Variants in PDE3A observed in about 807,000 individuals in gnomAD.
PDE3A encodes the protein cGMP-inhibited 3',5'-cyclic phosphodiesterase 3A.
A neutral mutation model predicts 98.3 loss-of-function variants in PDE3A; 43 were observed. The ratio of observed to expected loss-of-function variants is 0.44; its 90% CI spans 0.34 to 0.56. The LOEUF (loss-of-function observed/expected upper bound fraction) is 0.56, where lower values mean the gene tolerates loss of function less well. Among genes scored for constraint, PDE3A ranks in the 20% least tolerant of loss-of-function variants. The probability of loss-of-function intolerance (pLI) is 0.01; values close to 1 mark genes in which losing one functional copy is unlikely to be tolerated. For synonymous variants in PDE3A, 663 were observed against 567.9 expected (o/e 1.17, Z -2.38); for missense variants, 1,427 against 1,440.7 (o/e 0.99, Z 0.15).
chr12:20,557,547 G>T lies in PDE3A; in HGVS notation c.1011+837G>T, dbSNP rs575520359. Among the ~76,000 whole-genome samples the T allele has an allele frequency of 3.8e-3, 578 of 152,216 alleles. 7 individuals carry two copies. Among genetic ancestry groups the T allele is most frequent in the African/African-American group, 0.013 (555 of 41,532 alleles). On this transcript the variant is annotated intron_variant, in intron 2 of 15. Coordinates refer to ENST00000359062, the MANE Select transcript of PDE3A (RefSeq NM_000921.5). The stretch of plus-strand genomic sequence containing the variant: ...ACTAAAAAATATATAAATTACAAAG[G>T]GCAGTTGAATGTGCAATACTGTAAA...
chr12:20,532,842 C>A (rs985181304), intron 1 of PDE3A, among the ~76,000 whole-genome samples: 1 of 152,102 alleles, frequency 6.6e-6, no homozygotes, highest in Non-Finnish European at 1.5e-5. Context: ...GCGCCCGCCA[C>A]TACGCCCGGC....
At chr12:20,386,720 C>T (rs953497600) in intron 1 of PDE3A, among the ~76,000 whole-genome samples, 1 of 151,940 alleles carries the variant, frequency 6.6e-6, no homozygotes, top group Non-Finnish European at 1.5e-5. Flanking sequence ...AATTTTCTCC[C>T]ATTCTATAGG....
At chr12:20,595,905 T>G (rs1009589541) in intron 2 of PDE3A, among the ~76,000 whole-genome samples, 1 of 152,192 alleles carries the variant, frequency 6.6e-6, no homozygotes, top group African/African-American at 2.4e-5. Context: ...AAATTAAAAT[T>G]GACTGAAATG....
chr12:20,542,364 C>A (rs1941936335), intron 1 of PDE3A, among the ~76,000 whole-genome samples: 1 of 151,620 alleles, frequency 6.6e-6, no homozygotes. Flanking sequence ...ATTTTAAAGA[C>A]CATTTCTAAA....
At chr12:20,462,747 A>C (rs1945273251) in intron 1 of PDE3A, among the ~76,000 whole-genome samples, 1 of 152,096 alleles carries the variant, frequency 6.6e-6, no homozygotes, top group Non-Finnish European at 1.5e-5. Flanking sequence ...TCATTTGTTA[A>C]AAACGTCTTG....
chr12:20,423,418 C>T (rs1944553191), intron 1 of PDE3A, among the ~76,000 whole-genome samples: 1 of 152,086 alleles, frequency 6.6e-6, no homozygotes, highest in African/African-American at 2.4e-5. Flanking sequence ...ACTTTAAATT[C>T]TGAAATGTTT....
In PDE3A at chr12:20,471,130, A is replaced by C. The variant is rs375758612; in HGVS notation, c.961-85530A>C. ...TTTTGTTATTACAGCTTGAGCTGACATGCCCATTCCCAGGTTTTACCCTGG... is the reference window on the plus strand; with the variant it reads ...TTTTGTTATTACAGCTTGAGCTGACCTGCCCATTCCCAGGTTTTACCCTGG... On this transcript the variant is annotated intron_variant, in intron 1 of 15. Transcript: ENST00000359062. Among the ~76,000 whole-genome samples the C allele has an allele frequency of 7.4e-5, 11 of 149,532 alleles. 1 individual carries two copies. The highest frequency in any genetic ancestry group is 1.6e-4 in the Non-Finnish European group (11 of 68,006).
At chr12:20,487,395 G>A (rs578098486) in intron 1 of PDE3A, among the ~76,000 whole-genome samples, 136 of 149,346 alleles carry the variant, frequency 9.1e-4, no homozygotes, top group Non-Finnish European at 8.1e-4. Context: ...TGGACACGGT[G>A]GCTCATGCCT....
intron 5 of PDE3A, 99 bp downstream of exon 5, chr12:20,621,510 C>A (rs902268125): frequency 4.5e-6 from 3 of 670,024 alleles, no homozygotes; most frequent in Non-Finnish European, 8.0e-6. Context: ...GCCCTATATT[C>A]AGATATGTTT....
intron 1 of PDE3A, among the ~76,000 whole-genome samples, chr12:20,409,125 C>A (rs372689572): frequency 6.6e-6 from 1 of 152,140 alleles, no homozygotes; most frequent in African/African-American, 2.4e-5. Context: ...ATCATCTCCT[C>A]ATTTCCTCCT....
chr12:20,551,628 C>T lies in PDE3A; in HGVS notation c.961-5032C>T, dbSNP rs190595854. On this transcript the variant is annotated intron_variant, in intron 1 of 15. Transcript: ENST00000359062. The stretch of plus-strand genomic sequence containing the variant: ...AGGACCCCGACAAGCAGCTCATGTG[C>T]GATGAGTGCGACATGGCCTTCCACA... 1.5e-3 allele frequency: 2,382 copies of T among 1,578,440 alleles called. 18 individuals carry two copies. In the African/African-American group the frequency reaches 0.026, roughly 18 times the overall value.
At chr12:20,407,921 A>G (rs900478890) in intron 1 of PDE3A, among the ~76,000 whole-genome samples, 1 of 151,630 alleles carries the variant, frequency 6.6e-6, no homozygotes, top group Non-Finnish European at 1.5e-5. Context: ...TTCTATTTTT[A>G]TTTATTTATT....
intron 1 of PDE3A, among the ~76,000 whole-genome samples, chr12:20,520,711 TG>T (rs1391347036): frequency 1.3e-5 from 2 of 152,204 alleles, no homozygotes; most frequent in Non-Finnish European, 2.9e-5. Flanking sequence ...TGCCGCTTCT[TG>T]GCTTTGTATG....
chr12:20,386,869 T>C (rs1297635759), intron 1 of PDE3A, among the ~76,000 whole-genome samples: 1 of 152,148 alleles, frequency 6.6e-6, no homozygotes, highest in Non-Finnish European at 1.5e-5. Context: ...CTAAATGATA[T>C]TGTCCAGATT....
chr12:20,413,459 A>ATG (rs1944368647), intron 1 of PDE3A, among the ~76,000 whole-genome samples: 2 of 151,482 alleles, frequency 1.3e-5, no homozygotes, highest in African/African-American at 4.8e-5. Context: ...CTGGCCCAGC[A>ATG]AGAAACAGAA....
At chr12:20,435,681 A>G (rs960550598) in intron 1 of PDE3A, among the ~76,000 whole-genome samples, 2 of 152,192 alleles carry the variant, frequency 1.3e-5, no homozygotes, top group Admixed American at 1.3e-4. Context: ...CTACTTTTCT[A>G]AAATGGTAAT....
Position 20,552,589 on chromosome 12 carries a change from G to A in PDE3A, c.961-4071G>A. On this transcript the variant is annotated intron_variant, in intron 1 of 15. Transcript: ENST00000359062. The surrounding 1 kb of genome is among the most constrained non-coding windows in gnomAD (Gnocchi z 5.1). ...CAAGTGGAAGCGGAAGTCGGCAGGA[G>A]GTGGCCCGAGCAGGGCCGGGTCCCC... 1 of 1,613,828 alleles carries A rather than the reference G, an allele frequency of 6.2e-7. No individual in the cohort carries two copies. The highest frequency in any genetic ancestry group is 2.2e-5 in the East Asian group (1 of 44,844).
chr12:20,512,212 A>G (rs1392996723), intron 1 of PDE3A, among the ~76,000 whole-genome samples: 1 of 152,052 alleles, frequency 6.6e-6, no homozygotes, highest in African/African-American at 2.4e-5. Context: ...TAACAATTGT[A>G]CTATGCTAAT....
chr12:20,573,099 A>G (rs1406797781), intron 2 of PDE3A, among the ~76,000 whole-genome samples: 2 of 152,114 alleles, frequency 1.3e-5, no homozygotes, highest in Non-Finnish European at 2.9e-5. Flanking sequence ...TTCGTATTTT[A>G]TAAGTAATTT....
Sources: allele counts gnomAD v4.1 joint callset (sites outside exome capture counted in the v4.1 genomes callset), GRCh38; gene constraint gnomAD v4.1.1; non-coding constraint Gnocchi (gnomAD v3.1); transcripts MANE v1.5; gene names NCBI Gene and HGNC (gene_info 2026-07-23, HGNC 2026-07-21).